Variants in ITPK1 observed in about 807,000 individuals in gnomAD.
The protein encoded by ITPK1 is inositol 1,3,4-trisphosphate 5/6-kinase.
A neutral mutation model predicts 45.3 loss-of-function variants in ITPK1; 21 were observed. That is an observed-to-expected ratio of 0.46 (90% CI 0.33 to 0.67). ITPK1 has a LOEUF of 0.67. Ranked by LOEUF, ITPK1 falls within the 30% of genes least tolerant of loss-of-function variation. The pLI is 0.02. For synonymous variants in ITPK1, 258 were observed against 253.6 expected, an observed-to-expected ratio of 1.02 and a Z score of -0.16; for missense variants, 474 against 573.5, an observed-to-expected ratio of 0.83 and a Z score of 1.77.
chr14:93,088,342 T>TTC (rs1836184941), intron 2 of ITPK1, among the ~76,000 whole-genome samples: 1 of 130,718 alleles, frequency 7.7e-6, no homozygotes, highest in South Asian at 2.3e-4. Flanking sequence ...TTTTGTTTTG[T>TTC]TTTTTTTTTT....
At position 92,939,979 on chromosome 14, in the gene ITPK1, C is replaced by T. The variant is rs752314145; in HGVS notation, c.*1582G>A. 21 of 985,746 alleles carry T rather than the reference C, an allele frequency of 2.1e-5. No homozygotes were observed. Among genetic ancestry groups the T allele is most frequent in the South Asian group, 9.4e-5 (2 of 21,292 alleles). The allele number at this position is 985,746 out of a possible 1,614,324, so 61.1% of individuals were successfully genotyped here. A position where few individuals can be genotyped will look rare whatever the true frequency, so the allele number is the denominator to read the frequency against. On this transcript the variant is annotated 3_prime_UTR_variant, in exon 11 of 11. Coordinates refer to ENST00000267615, the MANE Select transcript of ITPK1 (RefSeq NM_014216.6). The stretch of plus-strand genomic sequence containing the variant: ...GGAAAGGTGACGTACAGACATTAAT[C>T]GGGGTTCAAAACTCAAGTCGTGTAA...
chr14:92,957,630 C>T (rs1884811252), intron 8 of ITPK1, among the ~76,000 whole-genome samples: 1 of 152,252 alleles, frequency 6.6e-6, no homozygotes, highest in South Asian at 2.1e-4. Context: ...CCACCGTCCA[C>T]TGACTCAAAA....
chr14:93,076,690 C>T lies in ITPK1; in HGVS notation c.96-71G>A. 1 of 1,597,534 alleles carries T rather than the reference C, an allele frequency of 6.3e-7. No homozygotes were observed. The highest frequency in any genetic ancestry group is 8.6e-7 in the Non-Finnish European group (1 of 1,165,420). ...ACACGTCCTTTCCGAAGGTTCCCGA[C>T]AGCCGGCTGAGGGCAGGACCATGAG... On this transcript the variant is annotated intron_variant, in intron 2 of 10. Coordinates refer to ENST00000267615, the MANE Select transcript of ITPK1 (RefSeq NM_014216.6). The surrounding 1 kb of genome is among the most constrained non-coding windows in gnomAD (Gnocchi z 4.3).
chr14:93,005,453 A>T (rs560835121), intron 4 of ITPK1, among the ~76,000 whole-genome samples: 2 of 152,294 alleles, frequency 1.3e-5, no homozygotes, highest in East Asian at 1.9e-4. Context: ...GGGTCCGGGC[A>T]AGCCAAGTGA....
chr14:92,948,442 C>T (rs1432729097), intron 9 of ITPK1, among the ~76,000 whole-genome samples: 1 of 152,174 alleles, frequency 6.6e-6, no homozygotes, highest in Non-Finnish European at 1.5e-5. Flanking sequence ...CAGCCTTGAA[C>T]TCCTGGGCCT....
chr14:92,990,334 C>T (rs1251231287), intron 5 of ITPK1, among the ~76,000 whole-genome samples: 2 of 152,076 alleles, frequency 1.3e-5, no homozygotes, highest in Non-Finnish European at 2.9e-5. Context: ...GCTGGAAATA[C>T]AGCCATCACC....
chr14:92,957,231 T>C (rs1049016612), intron 8 of ITPK1, among the ~76,000 whole-genome samples: 1 of 152,250 alleles, frequency 6.6e-6, no homozygotes, highest in Non-Finnish European at 1.5e-5. Context: ...TGAACGCTTC[T>C]GATGATGTGG....
chr14:93,085,215 AAG>A (rs1891600181), intron 2 of ITPK1, among the ~76,000 whole-genome samples: 1 of 152,286 alleles, frequency 6.6e-6, no homozygotes, highest in Non-Finnish European at 1.5e-5. Flanking sequence ...CAGAATTTTA[AAG>A]CCAGTACAAA....
chr14:92,998,007 G>A (rs1887147080), intron 4 of ITPK1, among the ~76,000 whole-genome samples: 1 of 152,234 alleles, frequency 6.6e-6, no homozygotes, highest in South Asian at 2.1e-4. Context: ...GGCAGGAAAT[G>A]AGCAGGGAGT....
intron 2 of ITPK1, among the ~76,000 whole-genome samples, chr14:93,103,334 G>C (rs8013102): frequency 6.6e-6 from 1 of 151,364 alleles, no homozygotes; most frequent in East Asian, 1.9e-4. Flanking sequence ...CAGGAGAATC[G>C]CTTGAACCCG....
rs1566690856 is a variant in ITPK1, at chr14:92,951,862, C to T, written c.738+84G>A. 3.6e-6 allele frequency: 4 copies of T among 1,125,644 alleles called. No homozygotes were observed. The East Asian group carries it at 7.7e-5, about 22-fold the overall frequency. The allele number at this position is 1,125,644 out of a possible 1,614,324, so 69.7% of individuals were successfully genotyped here. A position where few individuals can be genotyped will look rare whatever the true frequency, so the allele number is the denominator to read the frequency against. ...ACCCTACCCTGCTGGAGAGCTTGGC[C>T]AAGGACCCCATGGCCACAGCAGCCC... On this transcript the variant is annotated intron_variant, in intron 9 of 10. Coordinates refer to ENST00000267615, the MANE Select transcript of ITPK1 (RefSeq NM_014216.6).
chr14:92,981,733 G>A (rs1438865456), intron 5 of ITPK1, among the ~76,000 whole-genome samples: 3 of 152,256 alleles, frequency 2.0e-5, no homozygotes, highest in Non-Finnish European at 4.4e-5. Flanking sequence ...GTCACGGTCA[G>A]GTGGGGAAGA....
intron 5 of ITPK1, among the ~76,000 whole-genome samples, chr14:92,966,381 A>G (rs1874493907): frequency 1.3e-5 from 2 of 152,258 alleles, no homozygotes; most frequent in Non-Finnish European, 2.9e-5. Context: ...AAAGAAATAA[A>G]TTTAAAAAAT....
At chr14:92,959,345 G>A (rs926688259) in intron 7 of ITPK1, among the ~76,000 whole-genome samples, 4 of 152,230 alleles carry the variant, frequency 2.6e-5, no homozygotes, top group African/African-American at 7.2e-5. Context: ...AATGGGCCCC[G>A]GAGAGCTGGC....
chr14:92,950,868 T>C (rs903042946), intron 9 of ITPK1, among the ~76,000 whole-genome samples: 1 of 152,230 alleles, frequency 6.6e-6, no homozygotes, highest in Non-Finnish European at 1.5e-5. Flanking sequence ...AAGCCTGATA[T>C]GTTCCCAGGG....
intron 3 of ITPK1, among the ~76,000 whole-genome samples, chr14:93,033,646 G>A (rs1889171713): frequency 6.6e-6 from 1 of 152,206 alleles, no homozygotes; most frequent in Non-Finnish European, 1.5e-5. Context: ...AGCCAGGCCA[G>A]ACAGGAGGTA....
rs2295394 is a variant in ITPK1 at position 92,946,398 on chromosome 14, G to A, written c.834C>T (p.Phe278=). Residue 278 remains phenylalanine, a synonymous_variant, in exon 10 of 11, where the codon TTC becomes TTT. Transcript: ENST00000267615. ...ALRQALGVSL[F]GIDIIINNQT... is the part of the protein sequence containing the mutation. Reference sequence around the variant, plus strand: ...GGTTGTTGATGATGATGTCGATGCCGAAGAGTGACACGCCCAGTGCCTGCC... The same window carrying A: ...GGTTGTTGATGATGATGTCGATGCCAAAGAGTGACACGCCCAGTGCCTGCC... The A allele has an allele frequency of 0.077, 124,449 of 1,613,218 alleles. 5,858 individuals carry two copies. The highest frequency in any genetic ancestry group is 0.23 in the East Asian group (10,412 of 44,864).
chr14:93,093,908 C>T (rs1214000665), intron 2 of ITPK1, among the ~76,000 whole-genome samples: 1 of 152,236 alleles, frequency 6.6e-6, no homozygotes, highest in Non-Finnish European at 1.5e-5. Context: ...AAAGCCCAAG[C>T]GTGTACAATG....
rs1270310127 is a variant in ITPK1 at position 92,987,363 on chromosome 14, C to T, written c.364+6517G>A. On this transcript the variant is annotated intron_variant, in intron 5 of 10. Coordinates refer to ENST00000267615, the MANE Select transcript of ITPK1 (RefSeq NM_014216.6). ...GCGTGCTCCCTGAGGCCCTGTCCTG[C>T]CCTGAACATCCCTGGCCTCTGCTGC... is the stretch of plus-strand genomic sequence containing the variant. 3.3e-5 allele frequency among the ~76,000 whole-genome samples: 5 copies of T among 152,192 alleles called. No homozygotes were observed. In the East Asian group the frequency reaches 9.6e-4, roughly 29 times the overall value.
Sources: allele counts gnomAD v4.1 joint callset (sites outside exome capture counted in the v4.1 genomes callset), GRCh38; gene constraint gnomAD v4.1.1; non-coding constraint Gnocchi (gnomAD v3.1); transcripts MANE v1.5; gene names NCBI Gene and HGNC (gene_info 2026-07-23, HGNC 2026-07-21).